The following ZSWIM6 variants were observed in gnomAD, a reference collection of about 807,000 sequenced individuals.
The protein encoded by ZSWIM6 is zinc finger SWIM domain-containing protein 6.
In ZSWIM6, 9 loss-of-function variants were observed where a neutral mutation model predicts 113.2. That is an observed-to-expected ratio of 0.08 (90% CI 0.05 to 0.14). The LOEUF (loss-of-function observed/expected upper bound fraction) is 0.14. ZSWIM6 is among the 10% of genes least tolerant of loss of function. The probability of loss-of-function intolerance (pLI) is 1.00; values close to 1 mark genes in which losing one functional copy is unlikely to be tolerated. For missense variants in ZSWIM6, 1,162 were observed against 1,552.2 expected (o/e 0.75, Z 4.22); for synonymous variants, 611 against 606.5 (o/e 1.01, Z -0.11).
intron 9 of ZSWIM6, 87 bp from the exon 10 acceptor site, chr5:61,535,397 C>A: frequency 7.0e-7 from 1 of 1,433,548 alleles, no homozygotes; most frequent in South Asian, 1.3e-5. Context: ...TATGTTATAA[C>A]TTTATGTGAC....
intron 1 of ZSWIM6, among the ~76,000 whole-genome samples, chr5:61,378,781 C>G (rs1325634034): frequency 2.0e-5 from 3 of 151,996 alleles, no homozygotes; most frequent in Non-Finnish European, 4.4e-5. Flanking sequence ...GTCTTGAACT[C>G]CTGACCTCAG....
intron 1 of ZSWIM6, among the ~76,000 whole-genome samples, chr5:61,456,980 G>A (rs527892893): frequency 1.3e-5 from 2 of 148,872 alleles, no homozygotes; most frequent in African/African-American, 5.0e-5. Flanking sequence ...ATGTATACAT[G>A]TGCCATGCTG....
At chr5:61,411,877 A>G (rs1746154192) in intron 1 of ZSWIM6, among the ~76,000 whole-genome samples, 1 of 152,224 alleles carries the variant, frequency 6.6e-6, no homozygotes, top group African/African-American at 2.4e-5. Flanking sequence ...ATTTCAACAT[A>G]TGAATTGGGG....
intron 1 of ZSWIM6, among the ~76,000 whole-genome samples, chr5:61,359,034 T>A (rs182031096): frequency 2.0e-5 from 3 of 152,258 alleles, no homozygotes; most frequent in African/African-American, 7.2e-5. Flanking sequence ...CTTAGTCTCA[T>A]TAAGAGCGCA....
intron 3 of ZSWIM6, among the ~76,000 whole-genome samples, chr5:61,492,665 T>C (rs1472084889): frequency 1.3e-5 from 2 of 152,124 alleles, no homozygotes; most frequent in African/African-American, 4.8e-5. Context: ...TACTTTGATA[T>C]TGGGAACAAA....
chr5:61,467,001 C>A (rs1747450407), intron 1 of ZSWIM6, among the ~76,000 whole-genome samples: 1 of 152,132 alleles, frequency 6.6e-6, no homozygotes, highest in South Asian at 2.1e-4. Context: ...GAGGACTTTG[C>A]CCCTTCAGTG....
intron 1 of ZSWIM6, among the ~76,000 whole-genome samples, chr5:61,471,378 A>G (rs764557959): frequency 6.6e-6 from 1 of 152,120 alleles, no homozygotes; most frequent in Non-Finnish European, 1.5e-5. Context: ...TTCCTATGCA[A>G]TGTAGGGAAA....
intron 9 of ZSWIM6, among the ~76,000 whole-genome samples, chr5:61,534,095 T>A (rs1749514405): frequency 6.6e-6 from 1 of 152,144 alleles, no homozygotes; most frequent in Non-Finnish European, 1.5e-5. Context: ...CTTCCAAATG[T>A]GAATTTTGGG....
At chr5:61,372,852 C>G (rs1359492300) in intron 1 of ZSWIM6, among the ~76,000 whole-genome samples, 1 of 152,110 alleles carries the variant, frequency 6.6e-6, no homozygotes, top group Non-Finnish European at 1.5e-5. Flanking sequence ...AGCGTCTTAT[C>G]ATTTTTACCT....
intron 1 of ZSWIM6, among the ~76,000 whole-genome samples, chr5:61,471,845 A>G (rs971206409): frequency 6.6e-6 from 1 of 152,162 alleles, no homozygotes; most frequent in African/African-American, 2.4e-5. Context: ...GACCACTGTC[A>G]TAGAGGATTT....
intron 2 of ZSWIM6, among the ~76,000 whole-genome samples, chr5:61,485,582 C>G (rs1040264673): frequency 6.6e-6 from 1 of 152,094 alleles, no homozygotes; most frequent in African/African-American, 2.4e-5. Flanking sequence ...ACTCATGTCT[C>G]TCTCCATCCG....
At position 61,526,332 on chromosome 5, in the gene ZSWIM6, T is replaced by A. The variant is rs918493495; in HGVS notation, c.1773T>A (p.Ala591=). ...YPREALRLAI[A]IVNTLRRQQQ... is the part of the protein sequence containing the mutation. ...GAGAAGCACTGAGACTAGCAATAGCTATTGTTAATACATTAAGACGACAGC... is the reference window on the plus strand; with the variant it reads ...GAGAAGCACTGAGACTAGCAATAGCAATTGTTAATACATTAAGACGACAGC... The change falls in exon 7 of 14, where the codon GCT becomes GCA. Residue 591 remains alanine, a synonymous_variant. Transcript: ENST00000252744. 1.3e-6 allele frequency: 2 copies of A among 1,552,088 alleles called. No homozygotes were observed. The highest frequency in any genetic ancestry group is 1.7e-6 in the Non-Finnish European group (2 of 1,147,092).
intron 1 of ZSWIM6, among the ~76,000 whole-genome samples, chr5:61,385,382 A>G (rs1193210280): frequency 6.6e-6 from 1 of 152,224 alleles, no homozygotes; most frequent in African/African-American, 2.4e-5. Context: ...ATAGATGACC[A>G]TAGTTGAAGC....
chr5:61,383,000 A>T (rs1330989531), intron 1 of ZSWIM6, among the ~76,000 whole-genome samples: 1 of 152,162 alleles, frequency 6.6e-6, no homozygotes, highest in Non-Finnish European at 1.5e-5. Context: ...ACACCTTTCC[A>T]GGTGAAGTTC....
chr5:61,444,174 A>G (rs570336763), intron 1 of ZSWIM6, among the ~76,000 whole-genome samples: 24 of 132,974 alleles, frequency 1.8e-4, no homozygotes, highest in Middle Eastern at 4.6e-3. Context: ...TTCAATTCCC[A>G]CCTATGAGTG....
chr5:61,333,781 G>T (rs1579935228), intron 1 of ZSWIM6, among the ~76,000 whole-genome samples: 1 of 151,870 alleles, frequency 6.6e-6, no homozygotes, highest in African/African-American at 2.4e-5. Flanking sequence ...AGACACCCCT[G>T]TGCGGGCCGC....
intron 2 of ZSWIM6, among the ~76,000 whole-genome samples, chr5:61,475,479 C>G (rs763870778): frequency 6.6e-6 from 1 of 152,176 alleles, no homozygotes; most frequent in Non-Finnish European, 1.5e-5. Flanking sequence ...GAAAGCCTAT[C>G]AAGGATAGAT....
chr5:61,497,296 T>C (rs1456406710), intron 4 of ZSWIM6, among the ~76,000 whole-genome samples: 1 of 152,172 alleles, frequency 6.6e-6, no homozygotes, highest in Non-Finnish European at 1.5e-5. Flanking sequence ...TACAATTTCC[T>C]GCTTACATGT....
intron 1 of ZSWIM6, among the ~76,000 whole-genome samples, chr5:61,344,101 G>A (rs955564495): frequency 6.6e-6 from 1 of 152,086 alleles, no homozygotes; most frequent in African/African-American, 2.4e-5. Context: ...CACCATGTTG[G>A]CCAGGCTGGT....
Sources: allele counts gnomAD v4.1 joint callset (sites outside exome capture counted in the v4.1 genomes callset), GRCh38; gene constraint gnomAD v4.1.1; transcripts MANE v1.5; gene names NCBI Gene and HGNC (gene_info 2026-07-23, HGNC 2026-07-21).